SDK1: variants seen among roughly 807,000 people sequenced by gnomAD.
SDK1 encodes the protein sidekick cell adhesion molecule 1, also known as protein sidekick-1.
In SDK1, 157 loss-of-function variants were observed where a neutral mutation model predicts 245.5. That is an observed-to-expected ratio of 0.64 (90% confidence interval 0.56 to 0.73). SDK1 has a LOEUF of 0.73. Ranked by LOEUF, SDK1 falls within the 30% of genes least tolerant of loss-of-function variation. SDK1 has a pLI of 0.00. For synonymous variants in SDK1, 1,647 were observed against 1,278.5 expected, an observed-to-expected ratio of 1.29 and a Z score of -6.15; for missense variants, 3,583 against 3,002.3, an observed-to-expected ratio of 1.19 and a Z score of -4.52.
At chr7:3,595,991 C>T (rs139945340) in intron 1 of SDK1, among the ~76,000 whole-genome samples, 13 of 148,192 alleles carry the variant, frequency 8.8e-5, no homozygotes, top group African/African-American at 1.7e-4. Context: ...CTACCTGATG[C>T]GGTCGTTGTG....
Position 3,372,494 on chromosome 7 carries a change from G to C in SDK1, c.298+70610G>C, listed in dbSNP as rs1028201471. ...TCTGTGCTTCAGAACACGCCCTATT[G>C]CCTCTTACCCTGTGTAACTAGGAGG... On this transcript the variant is annotated intron_variant, in intron 1 of 44. Transcript: ENST00000404826. Among the ~76,000 whole-genome samples the C allele has an allele frequency of 5.3e-5, 8 of 152,192 alleles. No individual in the cohort carries two copies. In the South Asian group the frequency reaches 1.4e-3, roughly 28 times the overall value.
chr7:3,772,127 G>C (rs1407286700), intron 4 of SDK1, among the ~76,000 whole-genome samples: 1 of 152,122 alleles, frequency 6.6e-6, no homozygotes, highest in African/African-American at 2.4e-5. Flanking sequence ...AGAGGGACCT[G>C]CTTCCGTCAT....
At chr7:4,164,725 G>A (rs1024818545) in intron 32 of SDK1, among the ~76,000 whole-genome samples, 1 of 152,194 alleles carries the variant, frequency 6.6e-6, no homozygotes, top group African/African-American at 2.4e-5. Flanking sequence ...CCCAGTGGAC[G>A]GTGCAGGGCT....
At chr7:3,748,760 A>G (rs536269754) in intron 4 of SDK1, among the ~76,000 whole-genome samples, 1 of 152,330 alleles carries the variant, frequency 6.6e-6, no homozygotes, top group South Asian at 2.1e-4. Context: ...ACAAAAAACA[A>G]ATCTTAAAAT....
At chr7:3,959,039 A>T (rs1308004971) in intron 8 of SDK1, 25 bp downstream of exon 8, 1 of 1,555,668 alleles carries the variant, frequency 6.4e-7, no homozygotes, top group Non-Finnish European at 8.9e-7. Context: ...GCTGCTGGAC[A>T]AGGAGCCATG....
chr7:3,601,317 T>G (rs1342124170), intron 1 of SDK1, among the ~76,000 whole-genome samples: 1 of 152,192 alleles, frequency 6.6e-6, no homozygotes, highest in East Asian at 1.9e-4. Context: ...AAATGTTTGG[T>G]AGAATTCTCC....
chr7:4,154,594 A>G (rs956025243), intron 30 of SDK1, among the ~76,000 whole-genome samples: 5 of 152,036 alleles, frequency 3.3e-5, no homozygotes. Context: ...AGCACATCAC[A>G]TTTATTCATT....
intron 1 of SDK1, among the ~76,000 whole-genome samples, chr7:3,441,123 G>C (rs995831552): frequency 1.3e-5 from 2 of 152,148 alleles, no homozygotes; most frequent in Non-Finnish European, 2.9e-5. Context: ...GTATAGTACA[G>C]TGAAATATTT....
intron 5 of SDK1, among the ~76,000 whole-genome samples, chr7:3,917,645 G>C (rs1342050700): frequency 6.6e-6 from 1 of 152,142 alleles, no homozygotes. Flanking sequence ...TCCTTACCCA[G>C]GGTTAGAGGA....
chr7:3,815,735 C>G (rs1364270387), intron 4 of SDK1, among the ~76,000 whole-genome samples: 1 of 151,702 alleles, frequency 6.6e-6, no homozygotes, highest in Non-Finnish European at 1.5e-5. Context: ...CAGCTGTGCA[C>G]CAAGCGGACC....
At chr7:3,558,423 G>A (rs1779653992) in intron 1 of SDK1, among the ~76,000 whole-genome samples, 1 of 152,228 alleles carries the variant, frequency 6.6e-6, no homozygotes, top group Non-Finnish European at 1.5e-5. Flanking sequence ...CCTGCAGTCT[G>A]AAGGAAATAA....
At chr7:4,179,701 A>C (rs1782478512) in intron 35 of SDK1, among the ~76,000 whole-genome samples, 1 of 151,910 alleles carries the variant, frequency 6.6e-6, no homozygotes, top group African/African-American at 2.4e-5. Flanking sequence ...AGAGGAGCCC[A>C]TTGAGGGCCA....
In SDK1 at chr7:3,727,182, A is replaced by G. The variant is rs114582294; in HGVS notation, c.713+85077A>G. On this transcript the variant is annotated intron_variant, in intron 4 of 44. Transcript: ENST00000404826. ...CTTGCATCATAAATAGGTGTTGGCA[A>G]AAGTATCACTCACTGATTATGTACA... is the stretch of plus-strand genomic sequence containing the variant. Among the ~76,000 whole-genome samples, 160 of 152,360 alleles carry G rather than the reference A, an allele frequency of 1.1e-3. 1 individual carries two copies. The highest frequency in any genetic ancestry group is 3.7e-3 in the African/African-American group (155 of 41,588).
chr7:3,583,008 G>T (rs1780559484), intron 1 of SDK1, among the ~76,000 whole-genome samples: 1 of 152,184 alleles, frequency 6.6e-6, no homozygotes, highest in Non-Finnish European at 1.5e-5. Flanking sequence ...GCATTCCCAA[G>T]TCCTTCCTTC....
intron 1 of SDK1, among the ~76,000 whole-genome samples, chr7:3,353,567 T>G (rs952781266): frequency 6.6e-6 from 1 of 152,172 alleles, no homozygotes; most frequent in Admixed American, 6.5e-5. Context: ...TAGTGCCCTG[T>G]GTGTAGTTTC....
intron 5 of SDK1, among the ~76,000 whole-genome samples, chr7:3,848,177 T>C (rs1001288674): frequency 6.6e-6 from 1 of 152,222 alleles, no homozygotes; most frequent in Non-Finnish European, 1.5e-5. Context: ...TATTACAAAC[T>C]TCATAAATAA....
intron 17 of SDK1, among the ~76,000 whole-genome samples, chr7:4,044,415 G>A (rs771185402): frequency 6.6e-6 from 1 of 152,120 alleles, no homozygotes; most frequent in African/African-American, 2.4e-5. Context: ...ACCTCTTCAT[G>A]GGAAAAGTAT....
intron 35 of SDK1, among the ~76,000 whole-genome samples, chr7:4,196,418 C>T (rs1584420776): frequency 1.3e-5 from 2 of 152,240 alleles, no homozygotes; most frequent in South Asian, 2.1e-4. Context: ...TTCAAACCTT[C>T]CCAGAGAAAC....
At chr7:3,361,334 G>A (rs1442195140) in intron 1 of SDK1, among the ~76,000 whole-genome samples, 2 of 152,192 alleles carry the variant, frequency 1.3e-5, no homozygotes, top group African/African-American at 2.4e-5. Context: ...GAGAACATTT[G>A]CATTTCTATC....
Sources: allele counts gnomAD v4.1 joint callset (sites outside exome capture counted in the v4.1 genomes callset), GRCh38; gene constraint gnomAD v4.1.1; transcripts MANE v1.5; gene names NCBI Gene and HGNC (gene_info 2026-07-23, HGNC 2026-07-21).